The following TBC1D22A variants were observed in gnomAD, a reference collection of about 807,000 sequenced individuals.
TBC1D22A encodes the protein putative GTPase activator.
In TBC1D22A, 38 loss-of-function variants were observed where a neutral mutation model predicts 60.2. The ratio of observed to expected loss-of-function variants is 0.63; its 90% confidence interval spans 0.49 to 0.83. TBC1D22A has a LOEUF of 0.83. Among genes scored for constraint, TBC1D22A ranks in the 40% least tolerant of loss-of-function variants. The pLI, the probability that TBC1D22A is intolerant of heterozygous loss-of-function variation, is 0.00. For missense variants in TBC1D22A, 628 were observed against 701.0 expected (o/e 0.90, Z 1.18); for synonymous variants, 302 against 281.7 (o/e 1.07, Z -0.72).
Position 46,903,401 on chromosome 22 carries a change from C to G in TBC1D22A, c.900+8555C>G, listed in dbSNP as rs533995124. On this transcript the variant is annotated intron_variant, in intron 7 of 12. Coordinates refer to ENST00000337137, the MANE Select transcript of TBC1D22A (RefSeq NM_014346.5). ...TGCCCTCCCCGCCCTGATGGCTGCT[C>G]CGGCTGGCTAGGCCTCTTCTCTGAG... is the stretch of plus-strand genomic sequence containing the variant. Among the ~76,000 whole-genome samples, 3 of 152,350 alleles carry G rather than the reference C, an allele frequency of 2.0e-5. No homozygotes were observed. In the South Asian group the frequency reaches 6.2e-4, roughly 32 times the overall value.
At chr22:46,781,980 T>C (rs1008989241) in intron 1 of TBC1D22A, among the ~76,000 whole-genome samples, 31 of 152,374 alleles carry the variant, frequency 2.0e-4, no homozygotes, top group African/African-American at 7.5e-4. Context: ...ATGTGAAGCA[T>C]GCTGAAGTGT....
At chr22:46,850,544 G>T (rs1022213098) in intron 4 of TBC1D22A, among the ~76,000 whole-genome samples, 3 of 152,244 alleles carry the variant, frequency 2.0e-5, no homozygotes. Context: ...TTGCAAGGCT[G>T]TGGAGAAATC....
At chr22:46,850,952 A>G (rs755429179) in intron 4 of TBC1D22A, among the ~76,000 whole-genome samples, 2 of 152,226 alleles carry the variant, frequency 1.3e-5, no homozygotes, top group Non-Finnish European at 2.9e-5. Flanking sequence ...TCCTATTTAT[A>G]TGAAATGTGC....
At position 47,049,203 on chromosome 22, in the gene TBC1D22A, G is replaced by A. The variant is rs6008032; in HGVS notation, c.1329+12005G>A. ...ATGACCAGGCTTGTGATATTCAGAC[G>A]GTTTCCTGGGCCAACCTTCGGCTTT... On this transcript the variant is annotated intron_variant, in intron 11 of 12. Transcript: ENST00000337137. 9.3e-3 allele frequency among the ~76,000 whole-genome samples: 1,414 copies of A among 152,336 alleles called. 27 individuals are homozygous for A. Among genetic ancestry groups the A allele is most frequent in the African/African-American group, 0.032 (1,347 of 41,564 alleles).
chr22:47,114,722 C>G lies in TBC1D22A; in HGVS notation c.1425+3119C>G, dbSNP rs924406395. Among the ~76,000 whole-genome samples, 6 of 152,222 alleles carry G rather than the reference C, an allele frequency of 3.9e-5. No individual in the cohort carries two copies. The East Asian group carries it at 1.2e-3, about 29-fold the overall frequency. On this transcript the variant is annotated intron_variant, in intron 12 of 12. Transcript: ENST00000337137. The stretch of plus-strand genomic sequence containing the variant: ...TTTGTTGCAGCCTTGTGATTTGTCC[C>G]TTGGGAAATGATGTGTGGCTTTAAG...
chr22:46,865,219 C>T lies in TBC1D22A; in HGVS notation c.638-13434C>T, dbSNP rs192526120. ...CTTATTTCTTGCAGGCACCACCCCCCGCTGCATCTCCACCCTCTGGATGGG... is the reference window on the plus strand; with the variant it reads ...CTTATTTCTTGCAGGCACCACCCCCTGCTGCATCTCCACCCTCTGGATGGG... On this transcript the variant is annotated intron_variant, in intron 4 of 12. Coordinates refer to ENST00000337137, the MANE Select transcript of TBC1D22A (RefSeq NM_014346.5). 2.1e-3 allele frequency among the ~76,000 whole-genome samples: 325 copies of T among 152,292 alleles called. 2 individuals are homozygous for T. Among genetic ancestry groups the T allele is most frequent in the Non-Finnish European group, 2.6e-3 (178 of 68,026 alleles).
At chr22:47,034,110 G>A (rs1389205516) in intron 10 of TBC1D22A, among the ~76,000 whole-genome samples, 1 of 150,934 alleles carries the variant, frequency 6.6e-6, no homozygotes, top group Non-Finnish European at 1.5e-5. Flanking sequence ...CCATTTTTTG[G>A]TAGTGAAATT....
At chr22:46,784,758 TC>T (rs2084087627) in intron 1 of TBC1D22A, among the ~76,000 whole-genome samples, 1 of 152,230 alleles carries the variant, frequency 6.6e-6, no homozygotes, top group African/African-American at 2.4e-5. Context: ...ATGTAAACGT[TC>T]ATATACAGAG....
At chr22:46,903,716 G>C (rs2069179186) in intron 7 of TBC1D22A, among the ~76,000 whole-genome samples, 1 of 152,196 alleles carries the variant, frequency 6.6e-6, no homozygotes, top group African/African-American at 2.4e-5. Context: ...TCTCGGCTGG[G>C]CCGCTGCTGT....
At chr22:46,999,820 T>G (rs1353497530) in intron 10 of TBC1D22A, among the ~76,000 whole-genome samples, 1 of 151,982 alleles carries the variant, frequency 6.6e-6, no homozygotes, top group Non-Finnish European at 1.5e-5. Flanking sequence ...GGTCAGGAGA[T>G]CGAGACCATC....
chr22:47,083,249 C>T (rs530480022), intron 11 of TBC1D22A, among the ~76,000 whole-genome samples: 1 of 151,886 alleles, frequency 6.6e-6, no homozygotes, highest in Admixed American at 6.6e-5. Flanking sequence ...AATTGCAAGA[C>T]TCAGCAAATA....
intron 1 of TBC1D22A, among the ~76,000 whole-genome samples, chr22:46,783,279 C>T (rs1049907810): frequency 2.0e-5 from 3 of 152,168 alleles, no homozygotes; most frequent in African/African-American, 7.2e-5. Flanking sequence ...CAGCACTGTG[C>T]CCCCAGGAGT....
chr22:46,954,446 T>C (rs188382149), intron 8 of TBC1D22A, among the ~76,000 whole-genome samples: 14 of 152,374 alleles, frequency 9.2e-5, no homozygotes, highest in Non-Finnish European at 4.4e-5. Context: ...GTTGATTTCC[T>C]TGTTCAAGGC....
intron 7 of TBC1D22A, among the ~76,000 whole-genome samples, chr22:46,897,588 C>G (rs1412673717): frequency 6.6e-6 from 1 of 150,392 alleles, no homozygotes; most frequent in South Asian, 2.1e-4. Flanking sequence ...AGCCTCTGGT[C>G]CTTTTGTTAC....
At chr22:46,919,951 A>G (rs750802686) in intron 8 of TBC1D22A, among the ~76,000 whole-genome samples, 1 of 152,176 alleles carries the variant, frequency 6.6e-6, no homozygotes, top group African/African-American at 2.4e-5. Context: ...ATTCCCTGTC[A>G]TAAGAGGGAA....
At chr22:46,906,569 C>A (rs984806169) in intron 7 of TBC1D22A, among the ~76,000 whole-genome samples, 3 of 152,194 alleles carry the variant, frequency 2.0e-5, no homozygotes, top group Admixed American at 6.5e-5. Flanking sequence ...TGGGTTTCAT[C>A]TGGCAGGGCC....
intron 4 of TBC1D22A, among the ~76,000 whole-genome samples, chr22:46,822,946 C>T (rs1291861922): frequency 6.6e-6 from 1 of 152,124 alleles, no homozygotes; most frequent in African/African-American, 2.4e-5. Flanking sequence ...CTCCCCAAGC[C>T]AGAGACCCCA....
At chr22:46,973,285 G>A (rs746044742) in intron 8 of TBC1D22A, among the ~76,000 whole-genome samples, 3 of 152,284 alleles carry the variant, frequency 2.0e-5, no homozygotes, top group African/African-American at 7.2e-5. Flanking sequence ...CAGGCTGCTC[G>A]GCATAGCCAC....
intron 11 of TBC1D22A, among the ~76,000 whole-genome samples, chr22:47,044,293 C>A (rs369543866): frequency 6.6e-6 from 1 of 152,244 alleles, no homozygotes; most frequent in East Asian, 1.9e-4. Context: ...ACTTCCTCCA[C>A]CATCTGGGTG....
Sources: gnomAD v4.1 joint callset for allele counts (sites outside exome capture counted in the v4.1 genomes callset) on GRCh38, gnomAD v4.1.1 for gene constraint, MANE v1.5 for transcripts, NCBI Gene and HGNC (gene_info 2026-07-23, HGNC 2026-07-21) for gene names.